Variants in OPCML observed in about 807,000 individuals in gnomAD.
OPCML encodes opioid binding protein/cell adhesion molecule like.
Under a neutral mutation model 37.8 loss-of-function variants are expected in OPCML, and 13 were observed. The ratio of observed to expected loss-of-function variants is 0.34; its 90% CI spans 0.22 to 0.55. The LOEUF (loss-of-function observed/expected upper bound fraction) is 0.55. Among genes scored for constraint, OPCML ranks in the 20% least tolerant of loss-of-function variants. The pLI, the probability that OPCML is intolerant of heterozygous loss-of-function variation, is 0.91. For missense variants in OPCML, 341 were observed against 435.6 expected (o/e 0.78, Z 1.93); for synonymous variants, 176 against 168.8 (o/e 1.04, Z -0.33).
chr11:133,484,148 ATAGATAGATAGATAGG>A (rs1234895929), intron 1 of OPCML, among the ~76,000 whole-genome samples: 5 of 147,542 alleles, frequency 3.4e-5, no homozygotes, highest in African/African-American at 5.3e-5. Flanking sequence ...TGATAGATGG[ATAGATAGATAGATAGG>A]TAGATAGATA....
At chr11:132,660,190 T>G (rs1381294977) in intron 2 of OPCML, among the ~76,000 whole-genome samples, 2 of 152,198 alleles carry the variant, frequency 1.3e-5, no homozygotes, top group Admixed American at 6.5e-5. Context: ...ACTGCTAGAA[T>G]GAGATGGAGT....
At chr11:133,082,178 G>A (rs970694502) in intron 1 of OPCML, among the ~76,000 whole-genome samples, 5 of 151,494 alleles carry the variant, frequency 3.3e-5, no homozygotes, top group African/African-American at 1.2e-4. Context: ...CCTCCGCCTC[G>A]GCTCCCCTCC....
chr11:132,686,582 T>C (rs1943166753), intron 2 of OPCML, among the ~76,000 whole-genome samples: 1 of 152,236 alleles, frequency 6.6e-6, no homozygotes, highest in Admixed American at 6.5e-5. Context: ...ACATGGGTTC[T>C]CTGGAACCAA....
At chr11:133,199,457 G>T (rs773192841) in intron 1 of OPCML, among the ~76,000 whole-genome samples, 1 of 151,950 alleles carries the variant, frequency 6.6e-6, no homozygotes. Flanking sequence ...CGCTACAGTC[G>T]CCTAGTGATG....
chr11:132,479,560 C>T (rs1476523353), intron 4 of OPCML, among the ~76,000 whole-genome samples: 1 of 152,234 alleles, frequency 6.6e-6, no homozygotes, highest in Non-Finnish European at 1.5e-5. Context: ...GTAGGCTCCA[C>T]CTCTGGGGGC....
intron 2 of OPCML, among the ~76,000 whole-genome samples, chr11:132,922,434 G>C (rs1944838584): frequency 6.6e-6 from 1 of 152,094 alleles, no homozygotes. Context: ...CTTCCACCCT[G>C]TGCAAACAGA....
intron 1 of OPCML, among the ~76,000 whole-genome samples, chr11:133,221,484 T>C (rs1939826446): frequency 6.6e-6 from 1 of 152,184 alleles, no homozygotes; most frequent in Non-Finnish European, 1.5e-5. Flanking sequence ...TGATAGCACT[T>C]ATTCATGTGC....
intron 1 of OPCML, among the ~76,000 whole-genome samples, chr11:133,042,363 C>T (rs1221331620): frequency 6.6e-6 from 1 of 152,166 alleles, no homozygotes; most frequent in Non-Finnish European, 1.5e-5. Context: ...GAGCACTGGA[C>T]GATGAATAAA....
chr11:132,682,603 T>TA (rs1366297046), intron 2 of OPCML, among the ~76,000 whole-genome samples: 23 of 152,278 alleles, frequency 1.5e-4, no homozygotes, highest in African/African-American at 5.5e-4. Context: ...CAAAGCAGTT[T>TA]GTGCCCACAG....
At chr11:132,554,862 A>ATTTTTT (rs2096390658) in intron 3 of OPCML, among the ~76,000 whole-genome samples, 2 of 57,228 alleles carry the variant, frequency 3.5e-5, no homozygotes, top group African/African-American at 1.4e-4. Context: ...AATGGGGTAA[A>ATTTTTT]GTTTTTTTTT....
chr11:133,225,501 A>G (rs1213649506), intron 1 of OPCML, among the ~76,000 whole-genome samples: 1 of 152,208 alleles, frequency 6.6e-6, no homozygotes, highest in Non-Finnish European at 1.5e-5. Context: ...CGAGTGCTGT[A>G]TTAATTAACA....
chr11:133,207,008 C>T (rs1939094729), intron 1 of OPCML, among the ~76,000 whole-genome samples: 1 of 151,872 alleles, frequency 6.6e-6, no homozygotes, highest in Non-Finnish European at 1.5e-5. Flanking sequence ...CTTCTAAGAG[C>T]CGGGCGCGGT....
At chr11:132,423,748 C>T (rs1459345730) in intron 7 of OPCML, among the ~76,000 whole-genome samples, 1 of 152,156 alleles carries the variant, frequency 6.6e-6, no homozygotes, top group Non-Finnish European at 1.5e-5. Context: ...TTGGTGTGGT[C>T]CCATGGCCTC....
intron 1 of OPCML, among the ~76,000 whole-genome samples, chr11:133,122,161 G>T (rs1308862838): frequency 2.0e-5 from 3 of 152,134 alleles, no homozygotes; most frequent in Admixed American, 1.3e-4. Context: ...ATGGGTAGTT[G>T]TCCTTGTCTA....
intron 3 of OPCML, among the ~76,000 whole-genome samples, chr11:132,631,352 C>CATATATATATATATATATAT (rs61450463): frequency 5.9e-4 from 84 of 142,704 alleles, no homozygotes; most frequent in African/African-American, 1.8e-3. Context: ...ACCATATATA[C>CATATATATATATATATATAT]ATATATATAT....
chr11:132,867,863 A>G (rs986098795), intron 2 of OPCML, among the ~76,000 whole-genome samples: 7 of 152,170 alleles, frequency 4.6e-5, no homozygotes, highest in African/African-American at 7.2e-5. Flanking sequence ...GTGGAAAAGT[A>G]CCAAACAGTG....
intron 1 of OPCML, among the ~76,000 whole-genome samples, chr11:132,955,909 C>T (rs1416829205): frequency 6.6e-6 from 1 of 152,080 alleles, no homozygotes; most frequent in Non-Finnish European, 1.5e-5. Flanking sequence ...AAATGCTGAA[C>T]CTTTTCCTAT....
chr11:132,912,367 C>T (rs193285817), intron 2 of OPCML, among the ~76,000 whole-genome samples: 25 of 152,242 alleles, frequency 1.6e-4, no homozygotes, highest in African/African-American at 5.8e-4. Flanking sequence ...ATATACAACT[C>T]AATATATGAG....
At chr11:133,153,686 C>T (rs1312576070) in intron 1 of OPCML, among the ~76,000 whole-genome samples, 4 of 152,122 alleles carry the variant, frequency 2.6e-5, no homozygotes, top group Admixed American at 2.6e-4. Context: ...CCACACCAGG[C>T]ACCTTTTTCC....
Sources: allele counts gnomAD v4.1 joint callset (sites outside exome capture counted in the v4.1 genomes callset), GRCh38; gene constraint gnomAD v4.1.1; transcripts MANE v1.5; gene names NCBI Gene and HGNC (gene_info 2026-07-23, HGNC 2026-07-21).